CTNNA3: variants seen among roughly 807,000 people sequenced by gnomAD.
The protein encoded by CTNNA3 is catenin alpha 3.
CTNNA3 carries 76 observed loss-of-function variants against 95.7 expected under a neutral mutation model. The observed-to-expected ratio is 0.79, with a 90% confidence interval of 0.66 to 0.96. CTNNA3 has a LOEUF of 0.96. Among genes scored for constraint, CTNNA3 ranks in the 40% least tolerant of loss-of-function variants. The pLI, the probability that CTNNA3 is intolerant of heterozygous loss-of-function variation, is 0.00. For missense variants in CTNNA3, 1,191 were observed against 1,089.8 expected, an observed-to-expected ratio of 1.09 and a Z score of -1.31; for synonymous variants, 431 against 374.4, an observed-to-expected ratio of 1.15 and a Z score of -1.74.
intron 1 of CTNNA3, among the ~76,000 whole-genome samples, chr10:67,660,090 G>A (rs551379656): frequency 1.3e-5 from 2 of 152,224 alleles, no homozygotes; most frequent in Non-Finnish European, 2.9e-5. Context: ...CTTCTTCTGT[G>A]TCTCCTAGTT....
intron 7 of CTNNA3, among the ~76,000 whole-genome samples, chr10:67,055,180 T>C (rs887607326): frequency 5.9e-5 from 9 of 152,302 alleles, no homozygotes; most frequent in East Asian, 1.9e-4. Context: ...ATAGGCTCTT[T>C]GCATCTCAAC....
intron 13 of CTNNA3, among the ~76,000 whole-genome samples, chr10:66,142,156 C>A (rs2133881857): frequency 6.6e-6 from 1 of 152,164 alleles, no homozygotes; most frequent in Non-Finnish European, 1.5e-5. Context: ...GGTCTTTATC[C>A]ATTTTTAGTT....
chr10:66,811,559 T>C (rs1841876850), intron 7 of CTNNA3, among the ~76,000 whole-genome samples: 1 of 152,180 alleles, frequency 6.6e-6, no homozygotes, highest in Non-Finnish European at 1.5e-5. Context: ...CTTAGCTGTA[T>C]AGAATTAGTC....
intron 7 of CTNNA3, among the ~76,000 whole-genome samples, chr10:66,844,915 G>C (rs995212030): frequency 6.6e-6 from 1 of 151,562 alleles, no homozygotes; most frequent in African/African-American, 2.4e-5. Flanking sequence ...TAATAAACCT[G>C]GTTTCAAATA....
chr10:67,337,162 A>G (rs932616943), intron 5 of CTNNA3, among the ~76,000 whole-genome samples: 1 of 152,192 alleles, frequency 6.6e-6, no homozygotes, highest in Non-Finnish European at 1.5e-5. Context: ...AGAATTCACC[A>G]TTCTAGATGC....
At chr10:66,173,048 G>A (rs563282589) in intron 13 of CTNNA3, among the ~76,000 whole-genome samples, 1 of 152,162 alleles carries the variant, frequency 6.6e-6, no homozygotes, top group Non-Finnish European at 1.5e-5. Context: ...AAGGACTATG[G>A]AAATTCAGAG....
intron 12 of CTNNA3, among the ~76,000 whole-genome samples, chr10:66,289,470 G>A (rs2091643761): frequency 6.6e-6 from 1 of 151,054 alleles, no homozygotes; most frequent in Non-Finnish European, 1.5e-5. Flanking sequence ...AATTAATACG[G>A]CTTAAACATA....
intron 7 of CTNNA3, chr10:66,926,383 G>C: frequency 3.0e-6 from 2 of 666,690 alleles, no homozygotes; most frequent in Non-Finnish European, 2.7e-6. Flanking sequence ...GCGGTGTTGG[G>C]ATTTATTTGT....
chr10:66,922,748 G>C (rs1846856022), intron 7 of CTNNA3, among the ~76,000 whole-genome samples: 1 of 152,032 alleles, frequency 6.6e-6, no homozygotes. Context: ...TCAATACATT[G>C]CTACCAAAGC....
intron 1 of CTNNA3, among the ~76,000 whole-genome samples, chr10:67,661,530 T>C (rs1840189345): frequency 6.6e-6 from 1 of 152,182 alleles, no homozygotes; most frequent in Non-Finnish European, 1.5e-5. Context: ...ACCAAAAGCA[T>C]GATCCATAAA....
At chr10:67,256,079 CTTAAA>C (rs1419604864) in intron 5 of CTNNA3, among the ~76,000 whole-genome samples, 1 of 152,026 alleles carries the variant, frequency 6.6e-6, no homozygotes, top group Non-Finnish European at 1.5e-5. Flanking sequence ...TTCTTAGACC[CTTAAA>C]TTATATTATT....
chr10:66,996,779 A>T (rs1031533484), intron 7 of CTNNA3, among the ~76,000 whole-genome samples: 7 of 151,906 alleles, frequency 4.6e-5, no homozygotes, highest in Non-Finnish European at 1.0e-4. Context: ...TATGTGCAAA[A>T]ATATTATCTA....
At chr10:66,938,193 C>T (rs1316893119) in intron 7 of CTNNA3, among the ~76,000 whole-genome samples, 1 of 152,036 alleles carries the variant, frequency 6.6e-6, no homozygotes, top group Non-Finnish European at 1.5e-5. Flanking sequence ...TTAATATACA[C>T]TTTTTCACTA....
chr10:66,533,519 T>C (rs748537491), intron 10 of CTNNA3, among the ~76,000 whole-genome samples: 3 of 152,158 alleles, frequency 2.0e-5, no homozygotes, highest in East Asian at 3.9e-4. Context: ...ATTAACGAGA[T>C]GTTCATTAGA....
chr10:67,013,501 C>A (rs914921700), intron 7 of CTNNA3, among the ~76,000 whole-genome samples: 2 of 152,162 alleles, frequency 1.3e-5, no homozygotes, highest in Non-Finnish European at 2.9e-5. Flanking sequence ...CATTCACGTG[C>A]TGTGCAAAAA....
At chr10:66,570,285 TTTTG>T (rs1842830642) in intron 10 of CTNNA3, among the ~76,000 whole-genome samples, 1 of 141,458 alleles carries the variant, frequency 7.1e-6, no homozygotes, top group South Asian at 2.1e-4. Context: ...ATTTGTTTTG[TTTTG>T]TTTTGTTTTG....
chr10:66,690,460 T>C (rs935440013), intron 9 of CTNNA3, among the ~76,000 whole-genome samples: 1 of 151,668 alleles, frequency 6.6e-6, no homozygotes, highest in Non-Finnish European at 1.5e-5. Context: ...TATCTCCTAA[T>C]GCTATCCCTC....
At chr10:66,649,593 A>G (rs1393646242) in intron 9 of CTNNA3, among the ~76,000 whole-genome samples, 1 of 152,178 alleles carries the variant, frequency 6.6e-6, no homozygotes, top group African/African-American at 2.4e-5. Flanking sequence ...GCAGGCACCT[A>G]TGGCCCCAGA....
intron 11 of CTNNA3, among the ~76,000 whole-genome samples, chr10:66,423,151 T>C (rs958850930): frequency 2.6e-5 from 4 of 152,096 alleles, no homozygotes; most frequent in African/African-American, 9.7e-5. Context: ...ATAATTCTAC[T>C]TGGTCATGAT....
Sources: allele counts gnomAD v4.1 joint callset (sites outside exome capture counted in the v4.1 genomes callset), GRCh38; gene constraint gnomAD v4.1.1; transcripts MANE v1.5; gene names NCBI Gene and HGNC (gene_info 2026-07-23, HGNC 2026-07-21).